CEMIP: variants seen among roughly 807,000 people sequenced by gnomAD.
CEMIP encodes cell migration inducing hyaluronidase 1, also known as cell migration-inducing and hyaluronan-binding protein.
In CEMIP, 105 loss-of-function variants were observed where a neutral mutation model predicts 156.9. The observed-to-expected ratio is 0.67, with a 90% CI of 0.57 to 0.79. The LOEUF is 0.79. Ranked by LOEUF, CEMIP falls within the 30% of genes least tolerant of loss-of-function variation. The pLI is 0.00. For missense variants in CEMIP, 1,457 were observed against 1,769.4 expected (o/e 0.82, Z 3.17); for synonymous variants, 676 against 668.4 (o/e 1.01, Z -0.17).
chr15:80,782,498 AT>A (rs1895823095), intron 1 of CEMIP, among the ~76,000 whole-genome samples: 1 of 152,158 alleles, frequency 6.6e-6, no homozygotes. Flanking sequence ...CCAGCTCTGC[AT>A]TTCAGGGTTC....
intron 1 of CEMIP, among the ~76,000 whole-genome samples, chr15:80,856,740 G>GAAGGTCTGCC (rs1034378509): frequency 6.6e-6 from 1 of 152,174 alleles, no homozygotes; most frequent in African/African-American, 2.4e-5. Context: ...GAGGCCCAGG[G>GAAGGTCTGCC]AAGGTCTGCC....
intron 1 of CEMIP, among the ~76,000 whole-genome samples, chr15:80,831,214 C>T (rs1166833176): frequency 6.6e-6 from 1 of 152,078 alleles, no homozygotes; most frequent in Non-Finnish European, 1.5e-5. Flanking sequence ...GTAGAGAGCA[C>T]TTTCCGTGAA....
At chr15:80,864,093 C>G (rs1258840117) in intron 1 of CEMIP, among the ~76,000 whole-genome samples, 3 of 152,184 alleles carry the variant, frequency 2.0e-5, no homozygotes, top group African/African-American at 7.2e-5. Flanking sequence ...CCCTGGCCCT[C>G]TGAGGTAGCA....
chr15:80,783,631 G>A (rs542822459), intron 1 of CEMIP, among the ~76,000 whole-genome samples: 1 of 152,182 alleles, frequency 6.6e-6, no homozygotes, highest in Non-Finnish European at 1.5e-5. Context: ...CTAAAGTCTG[G>A]CATGTAGAAA....
intron 14 of CEMIP, among the ~76,000 whole-genome samples, chr15:80,910,514 G>T (rs2141897052): frequency 6.6e-6 from 1 of 152,314 alleles, no homozygotes; most frequent in Admixed American, 6.5e-5. Context: ...ACACTAGTGT[G>T]GTTCTATTTG....
chr15:80,894,856 C>T (rs1899158036), intron 10 of CEMIP, 134 bp from the exon 11 acceptor site: 4 of 1,074,706 alleles, frequency 3.7e-6, no homozygotes, highest in Non-Finnish European at 5.7e-6. Flanking sequence ...GGATAATCAT[C>T]TCGGGCCGTT....
chr15:80,829,889 T>C (rs2141674891), intron 1 of CEMIP, among the ~76,000 whole-genome samples: 1 of 152,144 alleles, frequency 6.6e-6, no homozygotes, highest in East Asian at 1.9e-4. Context: ...ACTGTGCAAA[T>C]CTCTTCTCAC....
chr15:80,848,893 TGC>T (rs1212742232), intron 1 of CEMIP, among the ~76,000 whole-genome samples: 2 of 36,366 alleles, frequency 5.5e-5, no homozygotes, highest in African/African-American at 2.6e-4. Context: ...GATGAGCGTG[TGC>T]GCGTGCACAC....
Position 80,868,921 on chromosome 15 carries a change from G to A in CEMIP, c.-175-4617G>A, listed in dbSNP as rs975038288. Among the ~76,000 whole-genome samples the A allele has an allele frequency of 9.2e-5, 14 of 152,290 alleles. 1 individual carries two copies. The highest frequency in any genetic ancestry group is 3.3e-4 in the Admixed American group (5 of 15,300). ...CTCAGAAAAGCTAGGTGATTTACTC[G>A]AGGATGCTGTGTTAGTTTGCTAGGG... On this transcript the variant is annotated intron_variant, in intron 1 of 29. Coordinates refer to ENST00000394685, the MANE Select transcript of CEMIP (RefSeq NM_001293298.2).
At chr15:80,818,199 T>C (rs1325665681) in intron 1 of CEMIP, among the ~76,000 whole-genome samples, 1 of 152,200 alleles carries the variant, frequency 6.6e-6, no homozygotes, top group Non-Finnish European at 1.5e-5. Flanking sequence ...ATACTGTCTC[T>C]CACAGTCATG....
chr15:80,842,832 T>C (rs978857337), intron 1 of CEMIP, among the ~76,000 whole-genome samples: 1 of 151,846 alleles, frequency 6.6e-6, no homozygotes, highest in African/African-American at 2.4e-5. Flanking sequence ...TGAGAGAGAA[T>C]AAGGGTCGTG....
chr15:80,875,663 T>C (rs1160677888), intron 3 of CEMIP, among the ~76,000 whole-genome samples: 2 of 152,192 alleles, frequency 1.3e-5, no homozygotes, highest in Non-Finnish European at 2.9e-5. Flanking sequence ...AGCCAACCCT[T>C]GCTATTCATG....
chr15:80,888,695 T>G lies in CEMIP; in HGVS notation c.869-6T>G. On this transcript the variant is annotated splice_region_variant and splice_polypyrimidine_tract_variant and intron_variant, in intron 8 of 29. Transcript: ENST00000394685. ...CAGCTCCTAAAGGGTCTCGTTTCTC[T>G]GACAGGACATCGAGGCTCTGCTGCT... 6.2e-7 allele frequency: 1 copy of G among 1,614,078 alleles called. No homozygotes were observed. The highest frequency in any genetic ancestry group is 1.7e-5 in the Admixed American group (1 of 60,024).
chr15:80,800,575 G>A lies in CEMIP; in HGVS notation c.-176+20961G>A, dbSNP rs893277034. 4.6e-5 allele frequency among the ~76,000 whole-genome samples: 7 copies of A among 151,968 alleles called. 1 individual carries two copies. Among genetic ancestry groups the A allele is most frequent in the African/African-American group, 1.7e-4 (7 of 41,344 alleles). ...TTGATTTTCATGTCATTTTACTTTG[G>A]GACTTTTTCCAAAATCCAGGCTTTA... is the stretch of plus-strand genomic sequence containing the variant. On this transcript the variant is annotated intron_variant, in intron 1 of 29. Transcript: ENST00000394685.
intron 12 of CEMIP, among the ~76,000 whole-genome samples, chr15:80,900,373 G>T (rs1245475041): frequency 3.9e-5 from 6 of 152,120 alleles, no homozygotes; most frequent in African/African-American, 1.4e-4. Context: ...AGGATAAGTG[G>T]AGAAGATCCT....
chr15:80,819,703 G>A (rs1896867325), intron 1 of CEMIP, among the ~76,000 whole-genome samples: 1 of 152,198 alleles, frequency 6.6e-6, no homozygotes, highest in African/African-American at 2.4e-5. Context: ...AGGAAAGAAA[G>A]GATCTTCTCT....
chr15:80,805,307 T>C (rs1896487997), intron 1 of CEMIP, among the ~76,000 whole-genome samples: 1 of 152,178 alleles, frequency 6.6e-6, no homozygotes, highest in Admixed American at 6.5e-5. Context: ...TTATGAGTGT[T>C]TTGAAAACCT....
intron 1 of CEMIP, among the ~76,000 whole-genome samples, chr15:80,873,017 A>G (rs1898349329): frequency 6.6e-6 from 1 of 152,126 alleles, no homozygotes. Context: ...TCTTCTTTCC[A>G]GCTAGCAGGA....
intron 1 of CEMIP, among the ~76,000 whole-genome samples, chr15:80,787,741 G>T (rs540358953): frequency 6.6e-6 from 1 of 152,176 alleles, no homozygotes; most frequent in African/African-American, 2.4e-5. Context: ...TGTCTTAGGG[G>T]GCTGGCCAGT....
Sources: gnomAD v4.1 joint callset for allele counts (sites outside exome capture counted in the v4.1 genomes callset) on GRCh38, gnomAD v4.1.1 for gene constraint, MANE v1.5 for transcripts, NCBI Gene and HGNC (gene_info 2026-07-23, HGNC 2026-07-21) for gene names.